NUDT21: variants seen among roughly 807,000 people sequenced by gnomAD.
NUDT21 encodes cleavage and polyadenylation specificity factor subunit 5.
NUDT21 carries 5 observed loss-of-function variants against 29.8 expected under a neutral mutation model. The ratio of observed to expected loss-of-function variants is 0.17; its 90% CI spans 0.09 to 0.35. The LOEUF is 0.35. NUDT21 is among the 10% of genes least tolerant of loss of function. The pLI is 1.00. For missense variants in NUDT21, 76 were observed against 276.0 expected (o/e 0.28, Z 5.13); for synonymous variants, 113 against 98.5 (o/e 1.15, Z -0.87).
chr16:56,441,626 C>T (rs1236662367), intron 3 of NUDT21, among the ~76,000 whole-genome samples: 3 of 152,208 alleles, frequency 2.0e-5, no homozygotes, highest in African/African-American at 7.2e-5. Context: ...CCTAGTTACA[C>T]TTTTTCTTCC....
At chr16:56,438,973 G>C (rs1962132729) in intron 4 of NUDT21, among the ~76,000 whole-genome samples, 2 of 152,060 alleles carry the variant, frequency 1.3e-5, no homozygotes, top group Admixed American at 1.3e-4. Flanking sequence ...TCTTTTTAAA[G>C]AGATCCTTAT....
At chr16:56,442,343 C>G (rs1168072989) in intron 3 of NUDT21, among the ~76,000 whole-genome samples, 1 of 152,178 alleles carries the variant, frequency 6.6e-6, no homozygotes, top group Non-Finnish European at 1.5e-5. Flanking sequence ...CTCTGCATGT[C>G]TAGAAGTAAC....
At chr16:56,438,145 G>A (rs1010746363) in intron 4 of NUDT21, among the ~76,000 whole-genome samples, 6 of 152,102 alleles carry the variant, frequency 3.9e-5, no homozygotes, top group Non-Finnish European at 7.3e-5. Context: ...CTCCTATAGC[G>A]TACCAGGGTT....
intron 3 of NUDT21, among the ~76,000 whole-genome samples, chr16:56,442,220 T>C (rs1342465849): frequency 2.6e-5 from 4 of 152,266 alleles, no homozygotes; most frequent in Non-Finnish European, 4.4e-5. Flanking sequence ...TAATCTGTAC[T>C]TGATAGTCTC....
rs1440922941 is a variant in NUDT21 at position 56,445,838 on chromosome 16, T to C, written c.381+788A>G. On this transcript the variant is annotated intron_variant, in intron 3 of 6. Transcript: ENST00000300291. Reference sequence around the variant, plus strand: ...ATCTTTGTACCATACATTATATAAATGGAAGTCCAAGCACAGGAAAATGTT... The same window carrying C: ...ATCTTTGTACCATACATTATATAAACGGAAGTCCAAGCACAGGAAAATGTT... Among the ~76,000 whole-genome samples, 6 of 152,228 alleles carry C rather than the reference T, an allele frequency of 3.9e-5. 1 individual carries two copies. Among genetic ancestry groups the C allele is most frequent in the Non-Finnish European group, 7.3e-5 (5 of 68,032 alleles).
At chr16:56,441,221 T>C (rs1962155971) in intron 3 of NUDT21, among the ~76,000 whole-genome samples, 2 of 151,872 alleles carry the variant, frequency 1.3e-5, no homozygotes, top group Non-Finnish European at 2.9e-5. Flanking sequence ...TATGACAGTT[T>C]CTTGATTTTC....
intron 2 of NUDT21, chr16:56,446,891 T>C (rs747899933): frequency 2.3e-6 from 1 of 435,118 alleles, no homozygotes; most frequent in Non-Finnish European, 4.1e-6. Flanking sequence ...ACCCTAGGTT[T>C]TTTTCCTCTT....
At chr16:56,447,108 C>T (rs936909517) in intron 2 of NUDT21, 20 of 160,252 alleles carry the variant, frequency 1.2e-4, no homozygotes, top group Non-Finnish European at 2.2e-4. Context: ...TTTTTTCCAA[C>T]TTTATGTCCA....
chr16:56,429,990 T>C lies in NUDT21; in HGVS notation c.*2722A>G, dbSNP rs1294787494. On this transcript the variant is annotated 3_prime_UTR_variant, in exon 7 of 7. Coordinates refer to ENST00000300291, the MANE Select transcript of NUDT21 (RefSeq NM_007006.3). ...TGGCCTGTTGAATTTGAAGTACTTC[T>C]ACCTCTCACTTCTAATTAAACATGG... The C allele has an allele frequency of 2.0e-5, 3 of 152,208 alleles. No individual in the cohort carries two copies. The highest frequency in any genetic ancestry group is 4.4e-5 in the Non-Finnish European group (3 of 68,036). 9.4% of individuals were successfully genotyped at this position (152,208 alleles called of 1,614,324 possible). A position where few individuals can be genotyped will look rare whatever the true frequency, so the allele number is the denominator to read the frequency against.
At position 56,441,691 on chromosome 16, in the gene NUDT21, T is replaced by C. The variant is rs544594183; in HGVS notation, c.382-1945A>G. 2.0e-5 allele frequency among the ~76,000 whole-genome samples: 3 copies of C among 152,378 alleles called. No individual in the cohort carries two copies. In the South Asian group the frequency reaches 6.2e-4, roughly 32 times the overall value. On this transcript the variant is annotated intron_variant, in intron 3 of 6. Coordinates refer to ENST00000300291, the MANE Select transcript of NUDT21 (RefSeq NM_007006.3). ...AGTCAATATTCAGTATTTAAGTTAG[T>C]ATGATCCGGTAGATCAGTCACAACA...
rs777245596 is a variant in NUDT21 at position 56,435,743 on chromosome 16, TTATATATATATATATATATATATA to T, written c.472-938_472-915del. ...TCTGTCTCCCAAAAAAAAAAAAAAATTATATATATATATATATATATATATATATATATATATATATGATCAGTA... is the reference window on the plus strand; with the variant it reads ...TCTGTCTCCCAAAAAAAAAAAAAAATTATATATATATATATATGATCAGTA... On this transcript the variant is annotated intron_variant, in intron 4 of 6. Coordinates refer to ENST00000300291, the MANE Select transcript of NUDT21 (RefSeq NM_007006.3). 1.1e-3 allele frequency among the ~76,000 whole-genome samples: 31 copies of T among 27,058 alleles called. 1 individual carries two copies. Among genetic ancestry groups the T allele is most frequent in the African/African-American group, 1.8e-3 (13 of 7,100 alleles). 17.8% of individuals were successfully genotyped at this position (27,058 alleles called of 152,430 possible).
At position 56,429,920 on chromosome 16, in the gene NUDT21, A is replaced by G. The variant is rs1361431651; in HGVS notation, c.*2792T>C. Reference sequence around the variant, plus strand: ...AAAGTCATTAAAAAGCCGAGAACATAAGAGCACAACATTTAAGAAAGGGAA... The same window carrying G: ...AAAGTCATTAAAAAGCCGAGAACATGAGAGCACAACATTTAAGAAAGGGAA... On this transcript the variant is annotated 3_prime_UTR_variant, in exon 7 of 7. Transcript: ENST00000300291. The G allele has an allele frequency of 6.6e-6, 1 of 152,208 alleles. No homozygotes were observed. Among genetic ancestry groups the G allele is most frequent in the African/African-American group, 2.4e-5 (1 of 41,448 alleles). 9.4% of individuals were successfully genotyped at this position (152,208 alleles called of 1,614,324 possible).
At chr16:56,445,360 C>A (rs747941455) in intron 3 of NUDT21, among the ~76,000 whole-genome samples, 2 of 152,138 alleles carry the variant, frequency 1.3e-5, no homozygotes, top group African/African-American at 2.4e-5. Context: ...GCATGCAATG[C>A]GTAATATTCA....
intron 5 of NUDT21, 81 bp from the exon 6 acceptor site, chr16:56,434,526 T>C (rs1962072566): frequency 1.1e-6 from 1 of 884,360 alleles, no homozygotes; most frequent in East Asian, 2.7e-5. Context: ...CAATTTTACA[T>C]TTAATAAAAA....
intron 3 of NUDT21, among the ~76,000 whole-genome samples, chr16:56,444,615 AAAAAC>A (rs1962197064): frequency 1.4e-5 from 2 of 147,290 alleles, no homozygotes; most frequent in African/African-American, 5.1e-5. Context: ...AAAAAAAAAC[AAAAAC>A]AAAAAAAAAA....
chr16:56,442,276 G>A (rs1005675170), intron 3 of NUDT21, among the ~76,000 whole-genome samples: 40 of 152,300 alleles, frequency 2.6e-4, no homozygotes, highest in African/African-American at 9.4e-4. Context: ...CATTTTGGGG[G>A]TGAACACCCT....
chr16:56,439,830 G>T, intron 3 of NUDT21, 84 bp from the exon 4 acceptor site: 1 of 1,053,354 alleles, frequency 9.5e-7, no homozygotes. Flanking sequence ...ATTCTTAGCA[G>T]TGCTCCTAAT....
At chr16:56,444,728 T>C (rs1596957145) in intron 3 of NUDT21, among the ~76,000 whole-genome samples, 2 of 152,126 alleles carry the variant, frequency 1.3e-5, no homozygotes, top group Admixed American at 1.3e-4. Context: ...TCCCCTAAAC[T>C]TTTTTCATTG....
chr16:56,450,309 G>A (rs1360871744), intron 1 of NUDT21, among the ~76,000 whole-genome samples: 1 of 152,218 alleles, frequency 6.6e-6, no homozygotes, highest in Non-Finnish European at 1.5e-5. Flanking sequence ...CAGCGAGTCT[G>A]CTTCTGAGAA....
Sources: allele counts gnomAD v4.1 joint callset (sites outside exome capture counted in the v4.1 genomes callset), GRCh38; gene constraint gnomAD v4.1.1; transcripts MANE v1.5; gene names NCBI Gene and HGNC (gene_info 2026-07-23, HGNC 2026-07-21).